BMP2K: variants seen among roughly 807,000 people sequenced by gnomAD.
BMP2K encodes the protein BMP2 inducible kinase.
Under a neutral mutation model 116.0 loss-of-function variants are expected in BMP2K, and 74 were observed. The observed-to-expected ratio is 0.64, with a 90% CI of 0.53 to 0.77. BMP2K has a LOEUF of 0.77. Ranked by LOEUF, BMP2K falls within the 30% of genes least tolerant of loss-of-function variation. The probability of loss-of-function intolerance (pLI) is 0.00; values close to 1 mark genes in which losing one functional copy is unlikely to be tolerated. For missense variants in BMP2K, 1,365 were observed against 1,403.6 expected, an observed-to-expected ratio of 0.97 and a Z score of 0.44; for synonymous variants, 486 against 502.5, an observed-to-expected ratio of 0.97 and a Z score of 0.44.
chr4:78,888,017 C>A (rs1314364387), intron 15 of BMP2K: 1 of 152,202 alleles, frequency 6.6e-6, no homozygotes, highest in African/African-American at 2.4e-5. Context: ...ACATATGTAA[C>A]ACCATTTGAA....
chr4:78,841,566 A>G (rs1350216463), intron 3 of BMP2K, among the ~76,000 whole-genome samples: 1 of 152,134 alleles, frequency 6.6e-6, no homozygotes. Context: ...CCCTAACCCT[A>G]GATGAGATTT....
intron 15 of BMP2K, among the ~76,000 whole-genome samples, chr4:78,901,141 T>C (rs953292844): frequency 3.3e-5 from 5 of 152,150 alleles, no homozygotes; most frequent in African/African-American, 1.2e-4. Flanking sequence ...CCTCTTGGGC[T>C]CAAGCAATCC....
chr4:78,798,670 G>T (rs78722861), intron 1 of BMP2K, among the ~76,000 whole-genome samples: 353 of 152,214 alleles, frequency 2.3e-3, no homozygotes, highest in Non-Finnish European at 3.6e-3. Context: ...TAACCCAAAA[G>T]TACACATAAC....
chr4:78,845,567 A>G (rs1730958091), intron 5 of BMP2K, among the ~76,000 whole-genome samples: 1 of 151,624 alleles, frequency 6.6e-6, no homozygotes, highest in Non-Finnish European at 1.5e-5. Context: ...TATCTACTTT[A>G]TGTTCTCTTA....
chr4:78,872,062 C>T, intron 12 of BMP2K, 114 bp downstream of exon 12: 1 of 784,616 alleles, frequency 1.3e-6, no homozygotes, highest in Non-Finnish European at 2.0e-6. Context: ...AGTTAATTGA[C>T]ATGTATTTTA....
At chr4:78,833,128 T>C (rs1485101286) in intron 2 of BMP2K, among the ~76,000 whole-genome samples, 1 of 152,092 alleles carries the variant, frequency 6.6e-6, no homozygotes, top group Admixed American at 6.5e-5. Flanking sequence ...TTTTAGGTTA[T>C]TTAGTTAGAA....
rs183320666 is a variant in BMP2K at position 78,854,708 on chromosome 4, A to G, written c.883+3652A>G. 2.6e-3 allele frequency among the ~76,000 whole-genome samples: 392 copies of G among 152,262 alleles called. 3 individuals are homozygous for G. The highest frequency in any genetic ancestry group is 8.7e-3 in the African/African-American group (362 of 41,560). On this transcript the variant is annotated intron_variant, in intron 7 of 15. Coordinates refer to ENST00000502613, the MANE Select transcript of BMP2K (RefSeq NM_198892.2). ...TTCGATTAGGGTTAAATTTATTTCA[A>G]TACCCATATTGTGGGAAACCAGGAA... is the stretch of plus-strand genomic sequence containing the variant.
chr4:78,911,554 A>G lies in BMP2K; in HGVS notation c.3007A>G (p.Ser1003Gly), dbSNP rs1734609282. Reference protein sequence around the residue: ...NGKRHHGTPTSTKKTLKPTYR... With the variant: ...NGKRHHGTPTGTKKTLKPTYR... Reference sequence around the variant, plus strand: ...GAAGCGGCATCATGGCACGCCAACTAGCACAAAGAAGACTTTGAAGCCTAC... The same window carrying G: ...GAAGCGGCATCATGGCACGCCAACTGGCACAAAGAAGACTTTGAAGCCTAC... Residue 1003 changes from serine to glycine, a missense_variant, in exon 16 of 16, where the codon AGC becomes GGC. This residue lies in a region of BMP2K where 596 missense variants were observed against 623.2 expected (regional missense o/e 0.96). Transcript: ENST00000502613. 5 of 1,613,948 alleles carry G rather than the reference A, an allele frequency of 3.1e-6. No individual in the cohort carries two copies. The East Asian group carries it at 1.1e-4, about 36-fold the overall frequency.
At chr4:78,884,418 C>G (rs1426600344) in intron 14 of BMP2K, among the ~76,000 whole-genome samples, 1 of 152,194 alleles carries the variant, frequency 6.6e-6, no homozygotes, top group Non-Finnish European at 1.5e-5. Context: ...CCTAATGAAT[C>G]AAGTCTACGG....
At chr4:78,803,004 C>G (rs1032343840) in intron 1 of BMP2K, among the ~76,000 whole-genome samples, 2 of 152,090 alleles carry the variant, frequency 1.3e-5, no homozygotes, top group Non-Finnish European at 2.9e-5. Context: ...CGCCTGCCAC[C>G]ACGCCCAGCT....
chr4:78,839,022 A>C (rs1368169369), intron 3 of BMP2K, among the ~76,000 whole-genome samples: 1 of 152,178 alleles, frequency 6.6e-6, no homozygotes, highest in Admixed American at 6.5e-5. Context: ...TGTTTTTAGG[A>C]AGTATTCTAC....
chr4:78,860,496 G>A (rs1731719300), intron 8 of BMP2K, among the ~76,000 whole-genome samples: 1 of 151,854 alleles, frequency 6.6e-6, no homozygotes, highest in African/African-American at 2.4e-5. Context: ...GAAACCCAGT[G>A]CCTAGTCCAT....
At chr4:78,846,570 G>A (rs1403546936) in intron 5 of BMP2K, among the ~76,000 whole-genome samples, 1 of 151,486 alleles carries the variant, frequency 6.6e-6, no homozygotes, top group Non-Finnish European at 1.5e-5. Context: ...AAATATGGGG[G>A]TTTTCTATTG....
In BMP2K at chr4:78,887,196, C is replaced by A; in HGVS notation, c.1974C>A (p.Ser658=). Reference sequence around the variant, plus strand: ...CAGATAGGCTCGAGGAGAGAGCATCCTCAGATAAGAATGTAGACTCACTTT... The same window carrying A: ...CAGATAGGCTCGAGGAGAGAGCATCATCAGATAAGAATGTAGACTCACTTT... ...LRSNRLEERA[S]SDKNVDSLSA... is the part of the protein sequence containing the mutation. Residue 658 remains serine, a synonymous_variant, in exon 15 of 16, where the codon TCC becomes TCA. Transcript: ENST00000502613. The A allele has an allele frequency of 6.2e-7, 1 of 1,609,718 alleles. No individual in the cohort carries two copies. The highest frequency in any genetic ancestry group is 8.5e-7 in the Non-Finnish European group (1 of 1,177,912).
chr4:78,850,666 A>G (rs1005897990), intron 6 of BMP2K, among the ~76,000 whole-genome samples: 3 of 151,910 alleles, frequency 2.0e-5, no homozygotes, highest in African/African-American at 7.2e-5. Context: ...ATTTTTTTCC[A>G]AAAAGAACCA....
chr4:78,793,141 G>A (rs1178314320), intron 1 of BMP2K, among the ~76,000 whole-genome samples: 1 of 152,140 alleles, frequency 6.6e-6, no homozygotes, highest in Non-Finnish European at 1.5e-5. Flanking sequence ...GCCGGGTGCG[G>A]TGGCTCAAGC....
Position 78,870,928 on chromosome 4 carries a change from C to CCAGCAGCAGCAGCAG in BMP2K, c.1389_1403dup (p.Gln482_Gln486dup), listed in dbSNP as rs3063772. 2.1e-5 allele frequency: 34 copies of CCAGCAGCAGCAGCAG among 1,599,218 alleles called. No individual in the cohort carries two copies. The highest frequency in any genetic ancestry group is 2.3e-5 in the Non-Finnish European group (27 of 1,171,588). On this transcript the variant is annotated inframe_insertion, in exon 11 of 16. Transcript: ENST00000502613. ...TCCATTTACAGCATCGTCATCCTCA[C>CCAGCAGCAGCAGCAG]CAGCAGCAGCAGCAGCAGCAGCAGC...
chr4:78,894,608 C>T lies in BMP2K; in HGVS notation c.2062+7324C>T, dbSNP rs566660730. Among the ~76,000 whole-genome samples the T allele has an allele frequency of 7.9e-5, 12 of 152,304 alleles. No homozygotes were observed. The South Asian group carries it at 2.5e-3, about 32-fold the overall frequency. ...CGCAGTGGTTGGTTTGATCTTCTGT[C>T]CAGACCATTAAAATTTTCTCCATAT... On this transcript the variant is annotated intron_variant, in intron 15 of 15. Transcript: ENST00000502613.
chr4:78,861,380 TC>T lies in BMP2K; in HGVS notation c.988-8del, dbSNP rs751320448. 7.0e-6 allele frequency: 11 copies of T among 1,580,104 alleles called. No individual in the cohort carries two copies. In the African/African-American group the frequency reaches 1.5e-4, roughly 22 times the overall value. On this transcript the variant is annotated splice_polypyrimidine_tract_variant and splice_region_variant and intron_variant, in intron 8 of 15. Coordinates refer to ENST00000502613, the MANE Select transcript of BMP2K (RefSeq NM_198892.2). ...CTAAAATGAGACGTTTTATTTTTTT[TC>T]TTCCAAGAATTCTTCTATTCCTTCA...
Sources: allele counts gnomAD v4.1 joint callset (sites outside exome capture counted in the v4.1 genomes callset), GRCh38; gene constraint gnomAD v4.1.1; regional missense constraint gnomAD v4.1.1; transcripts MANE v1.5; gene names NCBI Gene and HGNC (gene_info 2026-07-23, HGNC 2026-07-21).